RFC1: variants seen among roughly 807,000 people sequenced by gnomAD.
RFC1 encodes replication factor C subunit 1.
A neutral mutation model predicts 137.4 loss-of-function variants in RFC1; 37 were observed. The ratio of observed to expected loss-of-function variants is 0.27; its 90% CI spans 0.21 to 0.35. The LOEUF is 0.35. RFC1 is among the 10% of genes least tolerant of loss of function. RFC1 has a pLI of 1.00. For missense variants in RFC1, 1,205 were observed against 1,358.5 expected, an observed-to-expected ratio of 0.89 and a Z score of 1.78; for synonymous variants, 429 against 455.7, an observed-to-expected ratio of 0.94 and a Z score of 0.75.
At chr4:39,302,113 A>C (rs1428463566) in intron 19 of RFC1, among the ~76,000 whole-genome samples, 165 bp downstream of exon 19, 1 of 152,234 alleles carries the variant, frequency 6.6e-6, no homozygotes, top group African/African-American at 2.4e-5. Context: ...GAAAAAAATC[A>C]TTTGAATTAG....
In RFC1 at chr4:39,308,964, T is replaced by C. The variant is rs374379472; in HGVS notation, c.1557A>G (p.Pro519=). 5.9e-5 allele frequency: 95 copies of C among 1,613,258 alleles called. No individual in the cohort carries two copies. Among genetic ancestry groups the C allele is most frequent in the Non-Finnish European group, 7.9e-5 (93 of 1,179,940 alleles). ...KNVQGKRKIS[P]SKKESESKKS... is the part of the protein sequence containing the mutation. ...TTTTAGATTCTGATTCCTTTTTAGA[T>C]GGACTAATTTTTCTTTTTCCTTGGA... Residue 519 remains proline, a synonymous_variant, in exon 13 of 25, where the codon CCA becomes CCG. Coordinates refer to ENST00000349703, the MANE Select transcript of RFC1 (RefSeq NM_002913.5).
At chr4:39,325,322 G>C (rs1411714272) in intron 6 of RFC1, among the ~76,000 whole-genome samples, 2 of 152,098 alleles carry the variant, frequency 1.3e-5, no homozygotes, top group African/African-American at 4.8e-5. Flanking sequence ...AACCTGTTCT[G>C]CTTCCTGTGT....
chr4:39,292,614 C>CTTT (rs1560586232), intron 22 of RFC1, among the ~76,000 whole-genome samples: 6 of 138,746 alleles, frequency 4.3e-5, no homozygotes, highest in South Asian at 4.6e-4. Context: ...TATATGTATA[C>CTTT]ATTATTTATT....
chr4:39,347,752 A>C (rs1008159285), intron 2 of RFC1, among the ~76,000 whole-genome samples: 1 of 152,232 alleles, frequency 6.6e-6, no homozygotes, highest in Non-Finnish European at 1.5e-5. Flanking sequence ...CTTTCATCTC[A>C]GAGAATACAT....
intron 11 of RFC1, 102 bp from the exon 12 acceptor site, chr4:39,311,651 C>A: frequency 4.4e-6 from 3 of 678,294 alleles, no homozygotes; most frequent in South Asian, 2.2e-5. Context: ...AGGTGAAAAA[C>A]CACATTCGTA....
At chr4:39,327,923 G>C (rs1419266083) in intron 4 of RFC1, among the ~76,000 whole-genome samples, 167 bp from the exon 5 acceptor site, 3 of 152,090 alleles carry the variant, frequency 2.0e-5, no homozygotes, top group African/African-American at 7.2e-5. Context: ...TTTGCGCTCA[G>C]GAGTTCGAGA....
At chr4:39,317,849 T>C (rs913611729) in intron 9 of RFC1, 1 of 152,140 alleles carries the variant, frequency 6.6e-6, no homozygotes, top group Admixed American at 6.5e-5. Context: ...GTAGACAAAA[T>C]AGTAACTTCT....
intron 2 of RFC1, among the ~76,000 whole-genome samples, chr4:39,347,908 T>A (rs146233805): frequency 1.3e-5 from 2 of 152,346 alleles, no homozygotes; most frequent in East Asian, 3.9e-4. Flanking sequence ...GGCCAAGTTG[T>A]GTCCTAGTGC....
chr4:39,308,565 C>T (rs1242330201), intron 13 of RFC1, 71 bp downstream of exon 13: 11 of 1,522,678 alleles, frequency 7.2e-6, no homozygotes, highest in Non-Finnish European at 8.0e-6. Context: ...TAGATTTTCT[C>T]ATATATGTGC....
At position 39,320,601 on chromosome 4, in the gene RFC1, A is replaced by G. The variant is rs1491001504; in HGVS notation, c.877T>C (p.Ser293Pro). The G allele has an allele frequency of 6.2e-7, 1 of 1,612,466 alleles. No homozygotes were observed. Among genetic ancestry groups the G allele is most frequent in the Admixed American group, 1.7e-5 (1 of 59,694 alleles). ...TTGGAATGTTGCTGAGATTCTTTTG[A>G]ACTTTCATATTTACTTTGCTTCCTA... ...SPRKQSKYES[S>P]KESQQHSKSS... is the part of the protein sequence containing the mutation. The change falls in exon 9 of 25, where the codon TCA becomes CCA. Residue 293 changes from serine (S) to proline (P), a missense_variant. Physicochemically the swap from Ser to Pro is moderately conservative, Grantham distance 74. Around this residue, in one of 3 missense-constraint regions of RFC1, gnomAD observed 962 missense variants for 1,035.3 expected, o/e 0.93. Coordinates refer to ENST00000349703, the MANE Select transcript of RFC1 (RefSeq NM_002913.5).
chr4:39,332,232 T>C lies in RFC1; in HGVS notation c.332-4476A>G, dbSNP rs887303871. Reference sequence around the variant, plus strand: ...ACACCCTTTTCTCCGTCTAATGTTTTACAACAAATTGAATACATCCTAGAA... The same window carrying C: ...ACACCCTTTTCTCCGTCTAATGTTTCACAACAAATTGAATACATCCTAGAA... On this transcript the variant is annotated intron_variant, in intron 4 of 24. Transcript: ENST00000349703. Among the ~76,000 whole-genome samples, 3 of 152,320 alleles carry C rather than the reference T, an allele frequency of 2.0e-5. No individual in the cohort carries two copies. The South Asian group carries it at 6.2e-4, about 32-fold the overall frequency.
intron 1 of RFC1, among the ~76,000 whole-genome samples, chr4:39,357,916 G>A (rs113299742): frequency 0.14 from 21,499 of 151,874 alleles, 1,866 homozygotes; most frequent in East Asian, 0.23. Flanking sequence ...CCAGAAGCTA[G>A]CTTTTTACAA....
At chr4:39,355,098 TACACAC>T (rs59438877) in intron 1 of RFC1, among the ~76,000 whole-genome samples, 922 of 88,966 alleles carry the variant, frequency 0.01, 26 homozygotes, top group African/African-American at 0.039. Flanking sequence ...AAAAAAAAAA[TACACAC>T]ACACACACAC....
Position 39,324,964 on chromosome 4 carries a change from T to G in RFC1, c.643-1547A>C, listed in dbSNP as rs17288146. On this transcript the variant is annotated intron_variant, in intron 6 of 24. Transcript: ENST00000349703. ...AGATGAGCGCTCCTCCCTGAAATAC[T>G]TTCTTTGGCTTCTGTAAGATATCAA... Among the ~76,000 whole-genome samples the G allele has an allele frequency of 7.5e-3, 1,135 of 152,262 alleles. 15 individuals are homozygous for G. The highest frequency in any genetic ancestry group is 0.025 in the African/African-American group (1,019 of 41,550).
intron 6 of RFC1, 119 bp from the exon 7 acceptor site, chr4:39,323,536 T>G: frequency 1.2e-6 from 1 of 855,532 alleles, no homozygotes; most frequent in African/African-American, 1.7e-5. Context: ...AGAAAATAAT[T>G]ATGACATTTT....
intron 22 of RFC1, 25 bp downstream of exon 22, chr4:39,295,589 C>T (rs1737938750): frequency 1.3e-6 from 2 of 1,562,266 alleles, no homozygotes; most frequent in Admixed American, 1.8e-5. Flanking sequence ...CGATAAAATA[C>T]CCGAAACAGA....
chr4:39,349,599 T>C (rs1438411507), intron 2 of RFC1, among the ~76,000 whole-genome samples: 9 of 152,190 alleles, frequency 5.9e-5, no homozygotes, highest in Admixed American at 5.9e-4. Flanking sequence ...TTGTAGTATT[T>C]TGTCATGGTG....
In RFC1 at chr4:39,308,804, C is replaced by T; in HGVS notation, c.1717G>A (p.Ala573Thr). The stretch of plus-strand genomic sequence containing the variant: ...ACTTTGTTTTCACTGCTGTCATCAG[C>T]CAAATTCCTAGCCTTGCTGTCACCA... ...TSGDSKARNLADDSSENKVEN... is the reference protein window; with the variant it reads ...TSGDSKARNLTDDSSENKVEN... Residue 573 changes from alanine to threonine, a missense_variant, in exon 13 of 25, where the codon GCT becomes ACT. Transcript: ENST00000349703. The T allele has an allele frequency of 1.2e-6, 2 of 1,614,188 alleles. No homozygotes were observed. The highest frequency in any genetic ancestry group is 1.6e-4 in the Middle Eastern group (1 of 6,062).
chr4:39,306,188 C>G (rs994744453), intron 14 of RFC1, among the ~76,000 whole-genome samples: 13 of 152,312 alleles, frequency 8.5e-5, no homozygotes, highest in African/African-American at 3.1e-4. Flanking sequence ...TGGGCCTCCA[C>G]CCTCCTCCCT....
Sources: allele counts gnomAD v4.1 joint callset (sites outside exome capture counted in the v4.1 genomes callset), GRCh38; gene constraint gnomAD v4.1.1; regional missense constraint gnomAD v4.1.1; transcripts MANE v1.5; gene names NCBI Gene and HGNC (gene_info 2026-07-23, HGNC 2026-07-21).